The following COL23A1 variants were observed in gnomAD, a reference collection of about 807,000 sequenced individuals.
COL23A1 encodes collagen alpha-1(XXIII) chain.
In COL23A1, 97 loss-of-function variants were observed where a neutral mutation model predicts 99.3. The ratio of observed to expected loss-of-function variants is 0.98; its 90% confidence interval spans 0.83 to 1.16. The LOEUF (loss-of-function observed/expected upper bound fraction) is 1.16. COL23A1 is among the 50% of genes most tolerant of loss of function. COL23A1 has a pLI of 0.00. For synonymous variants in COL23A1, 320 were observed against 308.2 expected (o/e 1.04, Z -0.40); for missense variants, 762 against 757.4 (o/e 1.01, Z -0.07).
At chr5:178,348,020 C>T (rs1761085128) in intron 2 of COL23A1, among the ~76,000 whole-genome samples, 1 of 152,124 alleles carries the variant, frequency 6.6e-6, no homozygotes, top group South Asian at 2.1e-4. Context: ...CTTTGATCAT[C>T]CTCCCCTGTC....
chr5:178,449,054 T>C (rs1427243469), intron 2 of COL23A1, among the ~76,000 whole-genome samples: 1 of 152,092 alleles, frequency 6.6e-6, no homozygotes, highest in Non-Finnish European at 1.5e-5. Flanking sequence ...TGGAGTGCAG[T>C]GTTACGATCA....
chr5:178,362,705 C>T (rs1288127589), intron 2 of COL23A1, among the ~76,000 whole-genome samples: 1 of 152,150 alleles, frequency 6.6e-6, no homozygotes, highest in African/African-American at 2.4e-5. Context: ...AAGAGGCTTT[C>T]TTCCTGCAGC....
intron 2 of COL23A1, among the ~76,000 whole-genome samples, chr5:178,515,214 T>C (rs959003554): frequency 2.0e-5 from 3 of 152,216 alleles, no homozygotes; most frequent in Admixed American, 6.5e-5. Context: ...GAAGCCACCC[T>C]GCCCAGGGCC....
chr5:178,500,119 G>A (rs1371615889), intron 2 of COL23A1, among the ~76,000 whole-genome samples: 1 of 152,046 alleles, frequency 6.6e-6, no homozygotes, highest in Non-Finnish European at 1.5e-5. Flanking sequence ...TTACTCTGTG[G>A]AGAAGCAAAA....
At position 178,366,746 on chromosome 5, in the gene COL23A1, G is replaced by T. The variant is rs961140137; in HGVS notation, c.362-59827C>A. On this transcript the variant is annotated intron_variant, in intron 2 of 28. Coordinates refer to ENST00000390654, the MANE Select transcript of COL23A1 (RefSeq NM_173465.4). This position sits in a 1 kb window ranked among gnomAD's most constrained non-coding sequence, Gnocchi z 4.4. ...CGCCGGAAGCACGTTCCTCCTCCGT[G>T]CCTGTGCTTCTGCTGGTCTAAATCA... Among the ~76,000 whole-genome samples the T allele has an allele frequency of 3.9e-5, 6 of 152,190 alleles. No homozygotes were observed. Among genetic ancestry groups the T allele is most frequent in the African/African-American group, 1.4e-4 (6 of 41,446 alleles).
At chr5:178,517,840 G>A (rs928666520) in intron 2 of COL23A1, among the ~76,000 whole-genome samples, 7 of 146,968 alleles carry the variant, frequency 4.8e-5, no homozygotes, top group African/African-American at 1.3e-4. Context: ...GATTACAGGC[G>A]TGAGCCGCCG....
chr5:178,543,910 C>T (rs894341315), intron 2 of COL23A1, among the ~76,000 whole-genome samples: 2 of 152,070 alleles, frequency 1.3e-5, no homozygotes, highest in African/African-American at 2.4e-5. Context: ...CTGGTGAGGC[C>T]GTTTCCTGGT....
intron 2 of COL23A1, among the ~76,000 whole-genome samples, chr5:178,516,283 C>T (rs1050193331): frequency 2.0e-5 from 3 of 152,236 alleles, no homozygotes; most frequent in Non-Finnish European, 4.4e-5. Flanking sequence ...GTCTCTGGTA[C>T]CCAGAGGCTG....
chr5:178,262,749 G>C (rs891979847), intron 9 of COL23A1, among the ~76,000 whole-genome samples: 1 of 152,180 alleles, frequency 6.6e-6, no homozygotes, highest in African/African-American at 2.4e-5. Flanking sequence ...CTCAGGCTCA[G>C]GGTTGAGTCA....
In COL23A1 at chr5:178,310,251, C is replaced by G. The variant is rs1758600506; in HGVS notation, c.362-3332G>C. 6.6e-6 allele frequency among the ~76,000 whole-genome samples: 1 copy of G among 151,758 alleles called. No individual in the cohort carries two copies. Among genetic ancestry groups the G allele is most frequent in the African/African-American group, 2.4e-5 (1 of 41,028 alleles). On this transcript the variant is annotated intron_variant, in intron 2 of 28. Coordinates refer to ENST00000390654, the MANE Select transcript of COL23A1 (RefSeq NM_173465.4). This position sits in a 1 kb window ranked among gnomAD's most constrained non-coding sequence, Gnocchi z 4.3. ...CAGAGAGGCCAGGCGGGCTTGGAGA[C>G]TGGATTGCAGGAGCCGCAGGAGTGG... is the stretch of plus-strand genomic sequence containing the variant.
At chr5:178,242,161 T>C (rs1288539550) in intron 26 of COL23A1, 33 bp from the exon 27 acceptor site, 3 of 1,535,544 alleles carry the variant, frequency 2.0e-6, no homozygotes, top group Non-Finnish European at 2.6e-6. Flanking sequence ...GTATTGGTCA[T>C]GGCTGCCAGG....
intron 2 of COL23A1, among the ~76,000 whole-genome samples, chr5:178,548,191 C>T (rs963268820): frequency 6.0e-5 from 9 of 151,240 alleles, no homozygotes; most frequent in Admixed American, 2.6e-4. Flanking sequence ...GCATCACTCC[C>T]GGCACCGTGT....
At chr5:178,311,817 G>A (rs144073524) in intron 2 of COL23A1, among the ~76,000 whole-genome samples, 2 of 148,262 alleles carry the variant, frequency 1.3e-5, no homozygotes, top group Admixed American at 6.9e-5. Flanking sequence ...CGCAACCTCC[G>A]CCTCCCAGGT....
intron 2 of COL23A1, among the ~76,000 whole-genome samples, chr5:178,530,921 A>G (rs968471213): frequency 7.2e-6 from 1 of 139,670 alleles, no homozygotes; most frequent in Non-Finnish European, 1.6e-5. Context: ...AGGCTGGAGT[A>G]CAGTGGTGCG....
rs972050110 is a variant in COL23A1, at chr5:178,397,985, C to CA, written c.362-91067dup. On this transcript the variant is annotated intron_variant, in intron 2 of 28. Transcript: ENST00000390654. Reference sequence around the variant, plus strand: ...CTGGTGACAGAGTGAGACTTCATGTCAAAAAAAAAAAAGTTGCAGAATTTC... The same window carrying CA: ...CTGGTGACAGAGTGAGACTTCATGTCAAAAAAAAAAAAAGTTGCAGAATTTC... 2.8e-4 allele frequency among the ~76,000 whole-genome samples: 40 copies of CA among 142,092 alleles called. 1 individual carries two copies. The highest frequency in any genetic ancestry group is 7.0e-3 in the Middle Eastern group (2 of 284). The allele number at this position is 142,092 out of a possible 152,430, so 93.2% of individuals were successfully genotyped here.
At chr5:178,561,257 A>T (rs1762546044) in intron 1 of COL23A1, among the ~76,000 whole-genome samples, 1 of 152,208 alleles carries the variant, frequency 6.6e-6, no homozygotes, top group Admixed American at 6.5e-5. Flanking sequence ...AATCACCCTG[A>T]TGAAAACATT....
At chr5:178,399,254 C>T (rs1367608380) in intron 2 of COL23A1, among the ~76,000 whole-genome samples, 1 of 152,222 alleles carries the variant, frequency 6.6e-6, no homozygotes, top group Non-Finnish European at 1.5e-5. Flanking sequence ...TGCTGGGGAG[C>T]TGCAGCTGTG....
At chr5:178,320,888 C>A (rs72820924) in intron 2 of COL23A1, among the ~76,000 whole-genome samples, 8,238 of 152,288 alleles carry the variant, frequency 0.054, 289 homozygotes, top group Middle Eastern at 0.13. Flanking sequence ...CGCATGGGCC[C>A]AGAGCTGGAT....
chr5:178,487,215 A>G (rs1007300871), intron 2 of COL23A1, among the ~76,000 whole-genome samples: 2 of 152,184 alleles, frequency 1.3e-5, no homozygotes, highest in Admixed American at 1.3e-4. Context: ...CCCAGTTGAC[A>G]CACTATCTCC....
Sources: gnomAD v4.1 joint callset for allele counts (sites outside exome capture counted in the v4.1 genomes callset) on GRCh38, gnomAD v4.1.1 for gene constraint, Gnocchi (gnomAD v3.1) non-coding constraint, MANE v1.5 for transcripts, NCBI Gene and HGNC (gene_info 2026-07-23, HGNC 2026-07-21) for gene names.